KIRREL3: variants seen among roughly 807,000 people sequenced by gnomAD.
KIRREL3 encodes the protein kin of IRRE-like protein 3.
Under a neutral mutation model 89.7 loss-of-function variants are expected in KIRREL3, and 36 were observed. That is an observed-to-expected ratio of 0.40 (90% confidence interval 0.31 to 0.53). The LOEUF (loss-of-function observed/expected upper bound fraction) is 0.53, where lower values mean the gene tolerates loss of function less well. KIRREL3 is among the 20% of genes least tolerant of loss of function. KIRREL3 has a pLI of 0.49. For synonymous variants in KIRREL3, 445 were observed against 441.4 expected, an observed-to-expected ratio of 1.01 and a Z score of -0.10; for missense variants, 864 against 1,056.6, an observed-to-expected ratio of 0.82 and a Z score of 2.53.
Position 126,876,670 on chromosome 11 carries a change from TG to T in KIRREL3, c.55+123784del, listed in dbSNP as rs1220952903. 6.6e-6 allele frequency among the ~76,000 whole-genome samples: 1 copy of T among 151,856 alleles called. No homozygotes were observed. The highest frequency in any genetic ancestry group is 2.4e-5 in the African/African-American group (1 of 41,306). On this transcript the variant is annotated intron_variant, in intron 1 of 16. Transcript: ENST00000525144. The surrounding 1 kb of genome is among the most constrained non-coding windows in gnomAD (Gnocchi z 4.1). Reference sequence around the variant, plus strand: ...GTCCTGCCTCAGCCTTCCAAGTAGCTGGGATTACAGGCACCTGCCACCATGC... The same window carrying T: ...GTCCTGCCTCAGCCTTCCAAGTAGCTGGATTACAGGCACCTGCCACCATGC...
Position 126,924,301 on chromosome 11 carries a change from T to C in KIRREL3, c.55+76154A>G, listed in dbSNP as rs1357210253. 1.3e-5 allele frequency among the ~76,000 whole-genome samples: 2 copies of C among 152,206 alleles called. No individual in the cohort carries two copies. The highest frequency in any genetic ancestry group is 2.9e-5 in the Non-Finnish European group (2 of 68,036). On this transcript the variant is annotated intron_variant, in intron 1 of 16. Coordinates refer to ENST00000525144, the MANE Select transcript of KIRREL3 (RefSeq NM_032531.4). This position sits in a 1 kb window ranked among gnomAD's most constrained non-coding sequence, Gnocchi z 4.7. The stretch of plus-strand genomic sequence containing the variant: ...TCACTCTCCACACCACAGAGAGTAA[T>C]CTTTCAAAGCACAAATGAGGTCTGT...
At position 126,783,815 on chromosome 11, in the gene KIRREL3, G is replaced by A. The variant is rs911650154; in HGVS notation, c.55+216640C>T. 2.0e-5 allele frequency among the ~76,000 whole-genome samples: 3 copies of A among 152,324 alleles called. No homozygotes were observed. Among genetic ancestry groups the A allele is most frequent in the Non-Finnish European group, 2.9e-5 (2 of 68,028 alleles). ...GACTTCCTTCTAAAGAATACAGTGT[G>A]AAAGTGAGAGAAAAAGAGGAGCTTT... On this transcript the variant is annotated intron_variant, in intron 1 of 16. Coordinates refer to ENST00000525144, the MANE Select transcript of KIRREL3 (RefSeq NM_032531.4). The surrounding 1 kb of genome is among the most constrained non-coding windows in gnomAD (Gnocchi z 4.3).
intron 1 of KIRREL3, among the ~76,000 whole-genome samples, chr11:126,675,524 C>T (rs2135075427): frequency 6.6e-6 from 1 of 152,274 alleles, no homozygotes; most frequent in East Asian, 1.9e-4. Flanking sequence ...AACCTGCAGG[C>T]AGCAGTATTA....
At chr11:126,673,811 C>A (rs759312533) in intron 1 of KIRREL3, among the ~76,000 whole-genome samples, 5 of 152,224 alleles carry the variant, frequency 3.3e-5, no homozygotes, top group Non-Finnish European at 7.3e-5. Context: ...ATGAAAGAAG[C>A]TCTAAACACC....
intron 1 of KIRREL3, among the ~76,000 whole-genome samples, chr11:126,699,482 C>T (rs1343620348): frequency 9.2e-5 from 14 of 152,178 alleles, no homozygotes; most frequent in Admixed American, 7.9e-4. Context: ...AGTAGCCACA[C>T]TCAGCGAGTA....
At chr11:126,926,645 G>A (rs1185215744) in intron 1 of KIRREL3, among the ~76,000 whole-genome samples, 2 of 152,182 alleles carry the variant, frequency 1.3e-5, no homozygotes, top group African/African-American at 2.4e-5. Context: ...AAGTGTGATG[G>A]AAGCCACCTG....
chr11:126,889,134 T>C (rs539480908), intron 1 of KIRREL3, among the ~76,000 whole-genome samples: 1 of 152,264 alleles, frequency 6.6e-6, no homozygotes, highest in African/African-American at 2.4e-5. Context: ...CATGAAACCA[T>C]CACCACGATC....
At position 126,859,300 on chromosome 11, in the gene KIRREL3, C is replaced by T. The variant is rs78196897; in HGVS notation, c.55+141155G>A. The stretch of plus-strand genomic sequence containing the variant: ...TCACGATGGGCCCAAGAGGGAGCTT[C>T]TATCATTATTCCCATTTTTACTGAG... On this transcript the variant is annotated intron_variant, in intron 1 of 16. Transcript: ENST00000525144. Among the ~76,000 whole-genome samples the T allele has an allele frequency of 9.5e-3, 1,443 of 152,280 alleles. 16 individuals carry two copies. Among genetic ancestry groups the T allele is most frequent in the Non-Finnish European group, 0.016 (1,069 of 68,020 alleles).
chr11:126,846,064 T>G (rs1040993248), intron 1 of KIRREL3, among the ~76,000 whole-genome samples: 3 of 152,224 alleles, frequency 2.0e-5, no homozygotes, highest in Admixed American at 6.5e-5. Context: ...TGTTATCTGA[T>G]GGTTTTAACT....
chr11:126,473,314 A>C lies in KIRREL3; in HGVS notation c.586T>G (p.Ser196Ala). Residue 196 changes from serine (S) to alanine (A), a missense_variant, in exon 5 of 17, where the codon TCC becomes GCC. Transcript: ENST00000525144. ...KGEVINGATY[S>A]KTLLRDGKRE... is the part of the protein sequence containing the mutation. ...CCCTCCCCTCCAGGCCTCACCTTGG[A>C]GTAGGTGGCCCCATTGATGACCTCT... The C allele has an allele frequency of 1.0e-6, 1 of 988,428 alleles. No individual in the cohort carries two copies. The highest frequency in any genetic ancestry group is 1.3e-6 in the Non-Finnish European group (1 of 763,660). 61.2% of individuals were successfully genotyped at this position (988,428 alleles called of 1,614,324 possible).
rs183460196 is a variant in KIRREL3 at position 126,575,568 on chromosome 11, A to G, written c.56-12656T>C. Among the ~76,000 whole-genome samples the G allele has an allele frequency of 2.0e-5, 3 of 152,300 alleles. No individual in the cohort carries two copies. The highest frequency in any genetic ancestry group is 4.4e-5 in the Non-Finnish European group (3 of 68,020). ...ACTTATAAATATAATATATTATTAG[A>G]AAGTACAGGGGTATGCTAAAAGTCA... On this transcript the variant is annotated intron_variant, in intron 1 of 16. Coordinates refer to ENST00000525144, the MANE Select transcript of KIRREL3 (RefSeq NM_032531.4). The surrounding 1 kb of genome is among the most constrained non-coding windows in gnomAD (Gnocchi z 7.0).
chr11:126,790,624 C>T lies in KIRREL3; in HGVS notation c.55+209831G>A, dbSNP rs771005848. ...TTTTTCCTATTGTTTTGGCCTGTGT[C>T]GCACCAAGCTTGAGGTGAACGTAAA... On this transcript the variant is annotated intron_variant, in intron 1 of 16. Coordinates refer to ENST00000525144, the MANE Select transcript of KIRREL3 (RefSeq NM_032531.4). Among the ~76,000 whole-genome samples the T allele has an allele frequency of 5.3e-5, 8 of 152,256 alleles. 1 individual carries two copies. Among genetic ancestry groups the T allele is most frequent in the South Asian group, 2.1e-4 (1 of 4,810 alleles).
At chr11:126,831,922 T>A (rs2134489693) in intron 1 of KIRREL3, among the ~76,000 whole-genome samples, 1 of 152,348 alleles carries the variant, frequency 6.6e-6, no homozygotes, top group Non-Finnish European at 1.5e-5. Flanking sequence ...GAAATTGCCT[T>A]CCTGGCATAG....
chr11:126,517,837 A>C (rs1406168085), intron 4 of KIRREL3, among the ~76,000 whole-genome samples: 1 of 152,210 alleles, frequency 6.6e-6, no homozygotes, highest in Non-Finnish European at 1.5e-5. Flanking sequence ...GTTGAGAAAC[A>C]GGGCCACTGT....
At chr11:126,998,049 T>TA (rs937408922) in intron 1 of KIRREL3, among the ~76,000 whole-genome samples, 3 of 152,062 alleles carry the variant, frequency 2.0e-5, no homozygotes, top group Non-Finnish European at 4.4e-5. Flanking sequence ...GTGGAGCCAT[T>TA]TAGAGCCATG....
intron 1 of KIRREL3, among the ~76,000 whole-genome samples, chr11:126,889,526 C>T (rs1478505290): frequency 6.6e-6 from 1 of 152,122 alleles, no homozygotes; most frequent in East Asian, 1.9e-4. Context: ...GAAAAAAAGT[C>T]AATTCCCTCT....
chr11:126,973,831 A>G (rs573165943), intron 1 of KIRREL3, among the ~76,000 whole-genome samples: 56 of 152,298 alleles, frequency 3.7e-4, no homozygotes, highest in African/African-American at 1.2e-3. Flanking sequence ...CCATTCATCA[A>G]ATATTTATTG....
At chr11:126,680,413 T>TATATACATATATATATAC (rs1555174481) in intron 1 of KIRREL3, among the ~76,000 whole-genome samples, 114 of 148,964 alleles carry the variant, frequency 7.7e-4, no homozygotes, top group African/African-American at 2.8e-3. Context: ...TATATATATA[T>TATATACATATATATATAC]ATACACATAG....
chr11:127,002,622 G>T (rs776044054), upstream of KIRREL3, among the ~76,000 whole-genome samples: 29 of 152,238 alleles, frequency 1.9e-4, no homozygotes, highest in Non-Finnish European at 2.8e-4. Context: ...AGCCTATGGG[G>T]TTGTTGGGGA....
Sources: gnomAD v4.1 joint callset for allele counts (sites outside exome capture counted in the v4.1 genomes callset) on GRCh38, gnomAD v4.1.1 for gene constraint, Gnocchi (gnomAD v3.1) non-coding constraint, MANE v1.5 for transcripts, NCBI Gene and HGNC (gene_info 2026-07-23, HGNC 2026-07-21) for gene names.